Variants in TMEM132D observed in about 807,000 individuals in gnomAD.
The protein encoded by TMEM132D is transmembrane protein 132D.
A neutral mutation model predicts 62.3 loss-of-function variants in TMEM132D; 21 were observed. The observed-to-expected ratio is 0.34, with a 90% confidence interval of 0.24 to 0.49. The LOEUF is 0.49. Ranked by LOEUF, TMEM132D falls within the 20% of genes least tolerant of loss-of-function variation. The pLI, the probability that TMEM132D is intolerant of heterozygous loss-of-function variation, is 0.99. For synonymous variants in TMEM132D, 621 were observed against 575.6 expected (o/e 1.08, Z -1.13); for missense variants, 1,346 against 1,402.8 (o/e 0.96, Z 0.65).
intron 5 of TMEM132D, among the ~76,000 whole-genome samples, chr12:129,130,112 G>C (rs1316676793): frequency 6.7e-6 from 1 of 150,200 alleles, no homozygotes; most frequent in Non-Finnish European, 1.5e-5. Context: ...GACCACTGGG[G>C]TGTTCACTGT....
intron 1 of TMEM132D, among the ~76,000 whole-genome samples, chr12:129,813,369 A>G (rs904686440): frequency 1.3e-5 from 2 of 151,652 alleles, no homozygotes; most frequent in African/African-American, 4.8e-5. Context: ...AACACCCTTC[A>G]TTGGCTTCCC....
intron 2 of TMEM132D, among the ~76,000 whole-genome samples, chr12:129,612,021 T>A (rs541547048): frequency 1.2e-4 from 19 of 152,288 alleles, no homozygotes; most frequent in African/African-American, 4.3e-4. Flanking sequence ...GGTGTGGCTC[T>A]TCATAGAAAG....
intron 1 of TMEM132D, among the ~76,000 whole-genome samples, chr12:129,707,148 G>A (rs1440400481): frequency 6.8e-6 from 1 of 146,030 alleles, no homozygotes; most frequent in African/African-American, 2.5e-5. Context: ...GTTGCATTAG[G>A]AAAAATATAT....
intron 2 of TMEM132D, among the ~76,000 whole-genome samples, chr12:129,559,213 A>T (rs1418979319): frequency 1.3e-5 from 2 of 152,260 alleles, no homozygotes; most frequent in African/African-American, 2.4e-5. Flanking sequence ...GTACAAAGGC[A>T]AATGTGGAGC....
At chr12:129,327,069 C>T (rs114576355) in intron 4 of TMEM132D, among the ~76,000 whole-genome samples, 3,437 of 152,112 alleles carry the variant, frequency 0.023, 142 homozygotes, top group African/African-American at 0.076. Context: ...TGTTGCCTAG[C>T]GAGAGAGTTC....
chr12:129,809,218 G>A (rs1872089769), intron 1 of TMEM132D, among the ~76,000 whole-genome samples: 1 of 150,704 alleles, frequency 6.6e-6, no homozygotes, highest in Non-Finnish European at 1.5e-5. Context: ...TGAGGCAGGA[G>A]AATCGCTTGA....
chr12:129,388,644 T>A (rs377761673), intron 3 of TMEM132D, among the ~76,000 whole-genome samples: 1 of 109,872 alleles, frequency 9.1e-6, no homozygotes, highest in African/African-American at 3.2e-5. Context: ...ACACTAACAC[T>A]CATCCTAATA....
At chr12:129,440,012 C>T (rs970505691) in intron 3 of TMEM132D, among the ~76,000 whole-genome samples, 1 of 152,272 alleles carries the variant, frequency 6.6e-6, no homozygotes, top group South Asian at 2.1e-4. Context: ...CTATTTTGCT[C>T]TCATCCCAGA....
intron 4 of TMEM132D, among the ~76,000 whole-genome samples, chr12:129,278,342 G>C (rs963582715): frequency 6.6e-6 from 1 of 152,146 alleles, no homozygotes; most frequent in Non-Finnish European, 1.5e-5. Flanking sequence ...AACATATACA[G>C]TCCAGGCTCT....
chr12:129,244,385 C>CAAAAAAAAAA lies in TMEM132D; in HGVS notation c.1300-34732_1300-34723dup, dbSNP rs751155633. On this transcript the variant is annotated intron_variant, in intron 4 of 8. Coordinates refer to ENST00000422113, the MANE Select transcript of TMEM132D (RefSeq NM_133448.3). Reference sequence around the variant, plus strand: ...TGGGCGACAGAGCGAGACTCTGTCTCAAAAAAAAAAAAAAAAAAAAAAAAC... The same window carrying CAAAAAAAAAA: ...TGGGCGACAGAGCGAGACTCTGTCTCAAAAAAAAAAAAAAAAAAAAAAAAAAAAAAAAAAC... 2.0e-3 allele frequency among the ~76,000 whole-genome samples: 174 copies of CAAAAAAAAAA among 85,050 alleles called. 1 individual carries two copies. The highest frequency in any genetic ancestry group is 3.2e-3 in the Non-Finnish European group (130 of 40,734). 55.8% of individuals were successfully genotyped at this position (85,050 alleles called of 152,430 possible).
At chr12:129,643,651 C>T (rs984032714) in intron 2 of TMEM132D, among the ~76,000 whole-genome samples, 2 of 152,078 alleles carry the variant, frequency 1.3e-5, no homozygotes, top group Non-Finnish European at 2.9e-5. Flanking sequence ...GGAAACCTGC[C>T]CCATTCTATT....
chr12:129,836,402 C>T (rs1329591895), intron 1 of TMEM132D, among the ~76,000 whole-genome samples: 1 of 152,092 alleles, frequency 6.6e-6, no homozygotes, highest in Non-Finnish European at 1.5e-5. Flanking sequence ...GTCTCAGTAT[C>T]TCTGCAGTGT....
chr12:129,516,312 A>G (rs1009190959), intron 3 of TMEM132D, among the ~76,000 whole-genome samples: 2 of 152,210 alleles, frequency 1.3e-5, no homozygotes, highest in Admixed American at 6.5e-5. Context: ...CTGCCTCCCC[A>G]GTGTTTGAAA....
intron 1 of TMEM132D, among the ~76,000 whole-genome samples, chr12:129,755,403 A>G (rs1303653031): frequency 6.6e-6 from 1 of 152,174 alleles, no homozygotes; most frequent in Non-Finnish European, 1.5e-5. Flanking sequence ...CTTTGACACT[A>G]CAAGGGGGAT....
intron 5 of TMEM132D, among the ~76,000 whole-genome samples, chr12:129,087,720 G>A (rs1013970909): frequency 6.6e-6 from 1 of 152,158 alleles, no homozygotes; most frequent in Non-Finnish European, 1.5e-5. Context: ...TCAGACTTTC[G>A]GCCTTCAGAA....
intron 2 of TMEM132D, among the ~76,000 whole-genome samples, chr12:129,688,672 A>C (rs1335660060): frequency 6.6e-6 from 1 of 151,950 alleles, no homozygotes; most frequent in Non-Finnish European, 1.5e-5. Flanking sequence ...CATCCTTCCA[A>C]TATTTCATGA....
intron 3 of TMEM132D, among the ~76,000 whole-genome samples, chr12:129,444,288 C>T: frequency 6.6e-6 from 1 of 152,094 alleles, no homozygotes; most frequent in Non-Finnish European, 1.5e-5. Context: ...AGATCTTCTG[C>T]ACAACAAAAG....
Position 129,554,858 on chromosome 12 carries a change from C to T in TMEM132D, c.969-23653G>A, listed in dbSNP as rs567962041. On this transcript the variant is annotated intron_variant, in intron 2 of 8. Coordinates refer to ENST00000422113, the MANE Select transcript of TMEM132D (RefSeq NM_133448.3). ...TGGACTCCAACTAGATCAGATTCTC[C>T]TTCATCAGGCCACAAAATGTTTCTG... 2.2e-4 allele frequency among the ~76,000 whole-genome samples: 34 copies of T among 152,274 alleles called. 1 individual carries two copies. The highest frequency in any genetic ancestry group is 7.5e-4 in the African/African-American group (31 of 41,562).
chr12:129,531,747 C>T (rs977861674), intron 2 of TMEM132D, among the ~76,000 whole-genome samples: 3 of 152,182 alleles, frequency 2.0e-5, no homozygotes, highest in African/African-American at 7.2e-5. Context: ...GATCCACCTG[C>T]CTCAGCCTCC....
Sources: allele counts gnomAD v4.1 joint callset (sites outside exome capture counted in the v4.1 genomes callset), GRCh38; gene constraint gnomAD v4.1.1; transcripts MANE v1.5; gene names NCBI Gene and HGNC (gene_info 2026-07-23, HGNC 2026-07-21).